The following CCT7 variants were observed in gnomAD, a reference collection of about 807,000 sequenced individuals.
CCT7 encodes T-complex protein 1 subunit eta.
Under a neutral mutation model 56.6 loss-of-function variants are expected in CCT7, and 16 were observed. The observed-to-expected ratio is 0.28, with a 90% CI of 0.19 to 0.43. CCT7 has a LOEUF of 0.43. Ranked by LOEUF, CCT7 falls within the 20% of genes least tolerant of loss-of-function variation. The pLI is 1.00. For missense variants in CCT7, 519 were observed against 685.6 expected, an observed-to-expected ratio of 0.76 and a Z score of 2.71; for synonymous variants, 262 against 254.8, an observed-to-expected ratio of 1.03 and a Z score of -0.27.
chr2:73,248,828 T>C (rs1156524920), intron 7 of CCT7, among the ~76,000 whole-genome samples, 163 bp from the exon 8 acceptor site: 1 of 152,124 alleles, frequency 6.6e-6, no homozygotes, highest in Non-Finnish European at 1.5e-5. Flanking sequence ...TCTCATGGGG[T>C]CCTTATTTGC....
At chr2:73,251,192 C>T (rs777605489) in intron 10 of CCT7, 34 bp from the exon 11 acceptor site, 2 of 1,601,518 alleles carry the variant, frequency 1.2e-6, no homozygotes, top group Admixed American at 3.3e-5. Context: ...GACCAGGGGC[C>T]CTCTTACATT....
rs372632210 is a variant in CCT7, at chr2:73,248,942, T to C, written c.784-49T>C. 2.8e-5 allele frequency: 42 copies of C among 1,508,276 alleles called. 1 individual carries two copies. In the Admixed American group the frequency reaches 5.7e-4, roughly 20 times the overall value. 93.4% of individuals were successfully genotyped at this position (1,508,276 alleles called of 1,614,324 possible). A position where few individuals can be genotyped will look rare whatever the true frequency, so the allele number is the denominator to read the frequency against. On this transcript the variant is annotated intron_variant, in intron 7 of 11. Coordinates refer to ENST00000258091, the MANE Select transcript of CCT7 (RefSeq NM_006429.4). ...TGGGTATATTTTACCCTACCGTATA[T>C]GTCAACCTTCACCCCAAAGCATTCT...
rs1348832590 is a variant in CCT7 at position 73,249,821 on chromosome 2, C to A, written c.975C>A (p.Ala325=). ...PEEDLKRTMM[A]CGGSIQTSVN... ...ATCTTGCCTTCCTTGCTCCCTAGGC[C>A]TGTGGAGGCTCAATCCAGACCAGTG... The change falls in exon 9 of 12, where the codon GCC becomes GCA. Residue 325 remains alanine (A), a splice_region_variant and synonymous_variant. Transcript: ENST00000258091. The A allele has an allele frequency of 2.5e-6, 4 of 1,611,000 alleles. No homozygotes were observed. Among genetic ancestry groups the A allele is most frequent in the Non-Finnish European group, 3.4e-6 (4 of 1,177,122 alleles).
At chr2:73,235,388 C>G (rs139430268) in intron 1 of CCT7, among the ~76,000 whole-genome samples, 1 of 152,316 alleles carries the variant, frequency 6.6e-6, no homozygotes, top group East Asian at 1.9e-4. Context: ...CTGTCCGACT[C>G]TATCTTCTGC....
chr2:73,251,167 C>G (rs999391518), intron 10 of CCT7, 59 bp from the exon 11 acceptor site: 3 of 1,522,086 alleles, frequency 2.0e-6, no homozygotes, highest in Non-Finnish European at 9.1e-7. Context: ...CTGAGTGGCC[C>G]AGCATGGAAG....
At chr2:73,238,499 C>G (rs974916007) in intron 1 of CCT7, among the ~76,000 whole-genome samples, 2 of 152,270 alleles carry the variant, frequency 1.3e-5, no homozygotes, top group Admixed American at 6.5e-5. Flanking sequence ...GTTGGGAAAG[C>G]TCTGTGCTTT....
intron 1 of CCT7, 197 bp from the exon 2 acceptor site, chr2:73,239,446 G>C (rs1002994914): frequency 3.5e-6 from 2 of 571,108 alleles, no homozygotes; most frequent in African/African-American, 1.9e-5. Flanking sequence ...ATACCTGCAG[G>C]GTAGGCTAAA....
intron 2 of CCT7, 184 bp downstream of exon 2, chr2:73,239,980 G>C: frequency 1.8e-6 from 1 of 566,020 alleles, no homozygotes; most frequent in Non-Finnish European, 3.1e-6. Flanking sequence ...GACTATATGA[G>C]AGAACCTAGG....
intron 4 of CCT7, 89 bp from the exon 5 acceptor site, chr2:73,243,908 G>A: frequency 8.3e-7 from 1 of 1,205,174 alleles, no homozygotes; most frequent in Non-Finnish European, 1.2e-6. Flanking sequence ...ATTTGGGAGT[G>A]AACAGACTCA....
At chr2:73,247,952 G>C in intron 7 of CCT7, 26 bp downstream of exon 7, 1 of 1,606,138 alleles carries the variant, frequency 6.2e-7, no homozygotes, top group South Asian at 1.1e-5. Context: ...AGTTGGTGGG[G>C]GCATGGAAAT....
In CCT7 at chr2:73,251,254, C is replaced by G. The variant is rs762207342; in HGVS notation, c.1232C>G (p.Ala411Gly). The change falls in exon 11 of 12, where the codon GCC becomes GGC. Residue 411 changes from alanine (A) to glycine (G), a missense_variant. By Grantham distance (60) the Ala-to-Gly change is moderately conservative. Coordinates refer to ENST00000258091, the MANE Select transcript of CCT7 (RefSeq NM_006429.4). The stretch of plus-strand genomic sequence containing the variant: ...GATTCAGTGGTGGCTGGTGGCGGGG[C>G]CATTGAGATGGAACTCTCCAAGTAC... ...KNDSVVAGGGAIEMELSKYLR... is the reference protein window; with the variant it reads ...KNDSVVAGGGGIEMELSKYLR... 9 of 1,613,960 alleles carry G rather than the reference C, an allele frequency of 5.6e-6. No individual in the cohort carries two copies. Among genetic ancestry groups the G allele is most frequent in the Non-Finnish European group, 8.5e-7 (1 of 1,180,018 alleles).
At chr2:73,243,956 T>C (rs1247398363) in intron 4 of CCT7, 41 bp from the exon 5 acceptor site, 1 of 1,598,438 alleles carries the variant, frequency 6.3e-7, no homozygotes, top group South Asian at 1.1e-5. Flanking sequence ...CAGCAGTTTG[T>C]CTTTAGCATG....
intron 1 of CCT7, among the ~76,000 whole-genome samples, chr2:73,238,176 C>T (rs1303547133): frequency 6.6e-6 from 1 of 152,182 alleles, no homozygotes; most frequent in Non-Finnish European, 1.5e-5. Flanking sequence ...TCAAGTGATC[C>T]TCTTTTTTCT....
intron 1 of CCT7, chr2:73,235,679 G>C (rs2103753849): frequency 2.8e-6 from 1 of 362,682 alleles, no homozygotes; most frequent in East Asian, 1.7e-4. Context: ...TACTAGCTGT[G>C]TGACTTTGAG....
At chr2:73,248,432 C>T in intron 7 of CCT7, among the ~76,000 whole-genome samples, 1 of 151,962 alleles carries the variant, frequency 6.6e-6, no homozygotes, top group East Asian at 1.9e-4. Flanking sequence ...CTCACTGTAA[C>T]CTCTGCCTCC....
intron 6 of CCT7, among the ~76,000 whole-genome samples, chr2:73,246,424 G>A (rs1431054900): frequency 1.3e-5 from 2 of 152,106 alleles, no homozygotes; most frequent in Non-Finnish European, 2.9e-5. Flanking sequence ...ATTTTACCTC[G>A]TGATTTCCTA....
In CCT7 at chr2:73,242,997, C is replaced by T. The variant is rs776632555; in HGVS notation, c.268-7C>T. On this transcript the variant is annotated splice_region_variant and splice_polypyrimidine_tract_variant and intron_variant, in intron 3 of 11. Coordinates refer to ENST00000258091, the MANE Select transcript of CCT7 (RefSeq NM_006429.4). ...GAAAACGTGTATTTCCTGTCATCAT[C>T]TTCCAGGTGGGTGATGGCACCACCT... 4.3e-6 allele frequency: 7 copies of T among 1,613,806 alleles called. No homozygotes were observed. The highest frequency in any genetic ancestry group is 1.7e-5 in the Admixed American group (1 of 60,024).
In CCT7 at chr2:73,248,968, C is replaced by T. The variant is rs765013354; in HGVS notation, c.784-23C>T. The T allele has an allele frequency of 7.5e-6, 12 of 1,596,300 alleles. No homozygotes were observed. In the African/African-American group the frequency reaches 8.0e-5, roughly 11 times the overall value. On this transcript the variant is annotated intron_variant, in intron 7 of 11. Coordinates refer to ENST00000258091, the MANE Select transcript of CCT7 (RefSeq NM_006429.4). ...GTCAACCTTCACCCCAAAGCATTCT[C>T]ATCCTTTTCTGGGTCTCTCCAGGAT...
intron 6 of CCT7, among the ~76,000 whole-genome samples, chr2:73,247,377 CTT>C (rs1687385471): frequency 6.6e-6 from 1 of 152,006 alleles, no homozygotes; most frequent in African/African-American, 2.4e-5. Context: ...CATTGCACAG[CTT>C]TTGTTTTGCC....
Sources: gnomAD v4.1 joint callset for allele counts (sites outside exome capture counted in the v4.1 genomes callset) on GRCh38, gnomAD v4.1.1 for gene constraint, MANE v1.5 for transcripts, NCBI Gene and HGNC (gene_info 2026-07-23, HGNC 2026-07-21) for gene names.